TMEM87A: variants seen among roughly 807,000 people sequenced by gnomAD.
TMEM87A encodes the protein Golgi-pH regulating cation channel.
Under a neutral mutation model 90.0 loss-of-function variants are expected in TMEM87A, and 50 were observed. The observed-to-expected ratio is 0.56, with a 90% CI of 0.44 to 0.70. TMEM87A has a LOEUF of 0.70. Among genes scored for constraint, TMEM87A ranks in the 30% least tolerant of loss-of-function variants. The probability of loss-of-function intolerance (pLI) is 0.00; values close to 1 mark genes in which losing one functional copy is unlikely to be tolerated. For synonymous variants in TMEM87A, 226 were observed against 226.7 expected (o/e 1.00, Z 0.03); for missense variants, 577 against 660.5 (o/e 0.87, Z 1.39).
chr15:42,257,353 CCTT>C (rs1410323293), intron 6 of TMEM87A, among the ~76,000 whole-genome samples: 4 of 152,104 alleles, frequency 2.6e-5, no homozygotes, highest in African/African-American at 9.7e-5. Flanking sequence ...CTCCCTCTTT[CCTT>C]CTTCCTCTCT....
chr15:42,237,824 G>C (rs1365840800), intron 8 of TMEM87A, among the ~76,000 whole-genome samples: 1 of 151,808 alleles, frequency 6.6e-6, no homozygotes, highest in Non-Finnish European at 1.5e-5. Flanking sequence ...CACAGCGCCT[G>C]TCCTGAATCA....
intron 19 of TMEM87A, among the ~76,000 whole-genome samples, chr15:42,216,951 TTTTTC>T (rs2050393284): frequency 2.0e-5 from 3 of 150,350 alleles, no homozygotes; most frequent in Admixed American, 1.3e-4. Context: ...GCCACAATTC[TTTTTC>T]TTTTCTTTTT....
chr15:42,213,782 AG>A (rs1245954240), intron 19 of TMEM87A, among the ~76,000 whole-genome samples: 1 of 152,220 alleles, frequency 6.6e-6, no homozygotes, highest in Non-Finnish European at 1.5e-5. Context: ...AACACTGGAA[AG>A]GTAACTGTTT....
At chr15:42,257,151 A>C (rs890267810) in intron 6 of TMEM87A, among the ~76,000 whole-genome samples, 1 of 152,172 alleles carries the variant, frequency 6.6e-6, no homozygotes, top group African/African-American at 2.4e-5. Flanking sequence ...TATGGTTTAG[A>C]TATCTGTCCT....
At chr15:42,231,857 C>T in intron 11 of TMEM87A, 1 of 1,273,878 alleles carries the variant, frequency 7.9e-7, no homozygotes, top group Non-Finnish European at 1.0e-6. Flanking sequence ...TAAAATAACA[C>T]AGGCGTCAAT....
chr15:42,234,383 C>T (rs903482795), intron 10 of TMEM87A, among the ~76,000 whole-genome samples: 5 of 152,074 alleles, frequency 3.3e-5, no homozygotes, highest in South Asian at 2.1e-4. Flanking sequence ...ATAGGCCTTA[C>T]CAATATTTGT....
At position 42,264,255 on chromosome 15, in the gene TMEM87A, T is replaced by C. The variant is rs370712722; in HGVS notation, c.292-52A>G. ...TTAACTCACCTTCCAAAAAATAAGA[T>C]ACTAAGAGCACAGCACAACAAACAG... On this transcript the variant is annotated intron_variant, in intron 3 of 19. Coordinates refer to ENST00000389834, the MANE Select transcript of TMEM87A (RefSeq NM_015497.5). 274 of 1,263,418 alleles carry C rather than the reference T, an allele frequency of 2.2e-4. No homozygotes were observed. The African/African-American group carries it at 3.2e-3, about 15-fold the overall frequency. The allele number at this position is 1,263,418 out of a possible 1,614,324, so 78.3% of individuals were successfully genotyped here.
Position 42,236,531 on chromosome 15 carries a change from C to G in TMEM87A, c.869-112G>C, listed in dbSNP as rs1595722753. On this transcript the variant is annotated intron_variant, in intron 9 of 19. Transcript: ENST00000389834. ...CTTCAGAATAAGCATTGATATTAGT[C>G]CTGCTAAAATAGAATACCTCTTCCA... is the stretch of plus-strand genomic sequence containing the variant. The G allele has an allele frequency of 1.5e-5, 13 of 858,106 alleles. No homozygotes were observed. In the East Asian group the frequency reaches 3.1e-4, roughly 20 times the overall value. The allele number at this position is 858,106 out of a possible 1,614,324, so 53.2% of individuals were successfully genotyped here. A position where few individuals can be genotyped will look rare whatever the true frequency, so the allele number is the denominator to read the frequency against.
intron 19 of TMEM87A, among the ~76,000 whole-genome samples, chr15:42,215,490 T>A (rs566392933): frequency 1.3e-5 from 2 of 152,312 alleles, no homozygotes; most frequent in South Asian, 4.1e-4. Context: ...GGCATAGGAC[T>A]GTATCTGATC....
chr15:42,237,597 T>C lies in TMEM87A; in HGVS notation c.703A>G (p.Ile235Val), dbSNP rs760727071. The change falls in exon 9 of 20, where the codon ATT becomes GTT. Residue 235 changes from isoleucine to valine, a missense_variant. Ile to Val is a conservative substitution (Grantham distance 29). Coordinates refer to ENST00000389834, the MANE Select transcript of TMEM87A (RefSeq NM_015497.5). ...PLMIFFMVMC[I>V]VYVLFGVLWL... ...AGAACACCAAACAGGACATATACAATACACATCACCATGAAAAACTGTTAT... is the reference window on the plus strand; with the variant it reads ...AGAACACCAAACAGGACATATACAACACACATCACCATGAAAAACTGTTAT... The C allele has an allele frequency of 2.5e-6, 4 of 1,593,738 alleles. No homozygotes were observed. The highest frequency in any genetic ancestry group is 3.5e-5 in the Admixed American group (2 of 57,582).
At chr15:42,216,135 A>AG (rs2050379735) in intron 19 of TMEM87A, among the ~76,000 whole-genome samples, 1 of 152,246 alleles carries the variant, frequency 6.6e-6, no homozygotes, top group Admixed American at 6.5e-5. Flanking sequence ...AGCAAGCCAC[A>AG]GGGGGACAAA....
intron 2 of TMEM87A, among the ~76,000 whole-genome samples, chr15:42,268,969 C>T (rs1363685132): frequency 6.6e-6 from 1 of 151,826 alleles, no homozygotes; most frequent in Non-Finnish European, 1.5e-5. Flanking sequence ...GCAAACATGG[C>T]TGTGGAAGGT....
chr15:42,259,113 C>A, intron 6 of TMEM87A: 1 of 645,438 alleles, frequency 1.5e-6, no homozygotes, highest in South Asian at 1.9e-5. Flanking sequence ...AGCTTAGCAG[C>A]CACTAGGCAA....
In TMEM87A at chr15:42,273,414, G is replaced by C; in HGVS notation, c.-16C>G. 1 of 1,613,642 alleles carries C rather than the reference G, an allele frequency of 6.2e-7. No homozygotes were observed. The highest frequency in any genetic ancestry group is 2.2e-5 in the East Asian group (1 of 44,886). The stretch of plus-strand genomic sequence containing the variant: ...CCGCCGCCATCTTCACAGCCGTGGA[G>C]TGCCTACCGAAAGCATTTCACCCTC... On this transcript the variant is annotated 5_prime_UTR_variant, in exon 1 of 20. Transcript: ENST00000389834.
In TMEM87A at chr15:42,228,997, A is replaced by G. The variant is rs1427803472; in HGVS notation, c.1132-177T>C. On this transcript the variant is annotated intron_variant, in intron 12 of 19. Coordinates refer to ENST00000389834, the MANE Select transcript of TMEM87A (RefSeq NM_015497.5). ...ACACCTCAAGATGAATAAGAAAGTC[A>G]TCATTTTATTTTCTTTTCCTTTTTT... Among the ~76,000 whole-genome samples, 3 of 151,922 alleles carry G rather than the reference A, an allele frequency of 2.0e-5. No individual in the cohort carries two copies. The East Asian group carries it at 5.8e-4, about 29-fold the overall frequency.
In TMEM87A at chr15:42,269,765, T is replaced by C. The variant is rs1417805614; in HGVS notation, c.206-1733A>G. 2.0e-5 allele frequency among the ~76,000 whole-genome samples: 3 copies of C among 147,708 alleles called. No homozygotes were observed. In the South Asian group the frequency reaches 6.5e-4, roughly 32 times the overall value. On this transcript the variant is annotated intron_variant, in intron 2 of 19. Transcript: ENST00000389834. The stretch of plus-strand genomic sequence containing the variant: ...TCCTGGCTAACAAGGTGAAACCCCG[T>C]CTCTACTAAAAATACAAAAAATTAG...
intron 15 of TMEM87A, among the ~76,000 whole-genome samples, chr15:42,221,265 CAGAGACAG>C (rs1242905252): frequency 6.8e-6 from 1 of 146,460 alleles, no homozygotes; most frequent in African/African-American, 2.7e-5. Context: ...AAAGGAGAGA[CAGAGACAG>C]AGAGAGAGAG....
intron 7 of TMEM87A, among the ~76,000 whole-genome samples, chr15:42,243,811 C>T (rs56257215): frequency 0.1 from 15,457 of 151,992 alleles, 1,155 homozygotes; most frequent in Admixed American, 0.19. Flanking sequence ...TGAGCCACCG[C>T]GCCCGGCCAA....
chr15:42,231,939 A>C, intron 11 of TMEM87A: 5 of 1,229,414 alleles, frequency 4.1e-6, no homozygotes, highest in Non-Finnish European at 5.3e-6. Flanking sequence ...AGAAGAAAGA[A>C]AATGAAATTG....
Sources: gnomAD v4.1 joint callset for allele counts (sites outside exome capture counted in the v4.1 genomes callset) on GRCh38, gnomAD v4.1.1 for gene constraint, MANE v1.5 for transcripts, NCBI Gene and HGNC (gene_info 2026-07-23, HGNC 2026-07-21) for gene names.